The following OPCML variants were observed in gnomAD, a reference collection of about 807,000 sequenced individuals.
The protein encoded by OPCML is opioid binding protein/cell adhesion molecule like, also known as opioid-binding protein/cell adhesion molecule.
In OPCML, 13 loss-of-function variants were observed where a neutral mutation model predicts 37.8. The ratio of observed to expected loss-of-function variants is 0.34; its 90% CI spans 0.22 to 0.55. OPCML has a LOEUF of 0.55. Among genes scored for constraint, OPCML ranks in the 20% least tolerant of loss-of-function variants. OPCML has a pLI of 0.91. For synonymous variants in OPCML, 176 were observed against 168.8 expected (o/e 1.04, Z -0.33); for missense variants, 341 against 435.6 (o/e 0.78, Z 1.93).
At chr11:133,027,486 TG>T (rs1465417801) in intron 1 of OPCML, among the ~76,000 whole-genome samples, 6 of 145,750 alleles carry the variant, frequency 4.1e-5, no homozygotes, top group East Asian at 4.1e-4. Flanking sequence ...TGTGTGTGTG[TG>T]TGTTGTGTGT....
intron 2 of OPCML, among the ~76,000 whole-genome samples, chr11:132,884,022 T>C (rs576064522): frequency 4.6e-5 from 7 of 152,304 alleles, no homozygotes; most frequent in African/African-American, 1.7e-4. Flanking sequence ...TCAGACATAA[T>C]AGGATCATAG....
chr11:132,878,320 T>C (rs911875982), intron 2 of OPCML, among the ~76,000 whole-genome samples: 5 of 152,342 alleles, frequency 3.3e-5, no homozygotes, highest in Non-Finnish European at 7.4e-5. Context: ...CATTGTTGCA[T>C]GAGATTAACT....
At chr11:133,156,687 G>A (rs1023277022) in intron 1 of OPCML, among the ~76,000 whole-genome samples, 1 of 152,182 alleles carries the variant, frequency 6.6e-6, no homozygotes, top group Non-Finnish European at 1.5e-5. Flanking sequence ...GAATTATGAA[G>A]AAAATCCAAT....
chr11:133,473,918 T>A (rs1313842320), intron 1 of OPCML, among the ~76,000 whole-genome samples: 3 of 152,200 alleles, frequency 2.0e-5, no homozygotes, highest in African/African-American at 7.2e-5. Context: ...TTTTACAGAG[T>A]AACACTTTAA....
intron 2 of OPCML, among the ~76,000 whole-genome samples, chr11:132,939,648 G>A (rs1945508898): frequency 6.6e-6 from 1 of 152,190 alleles, no homozygotes; most frequent in South Asian, 2.1e-4. Flanking sequence ...AGCAAACTTT[G>A]AGGAGATTGA....
At chr11:132,755,553 T>A (rs1233188563) in intron 2 of OPCML, among the ~76,000 whole-genome samples, 1 of 152,236 alleles carries the variant, frequency 6.6e-6, no homozygotes, top group Non-Finnish European at 1.5e-5. Context: ...CCATTCGGGC[T>A]ATGTTTTACC....
chr11:132,773,781 G>C (rs556085706), intron 2 of OPCML, among the ~76,000 whole-genome samples: 79 of 152,168 alleles, frequency 5.2e-4, no homozygotes, highest in African/African-American at 1.6e-3. Context: ...AGCCTCCTCT[G>C]GCTGTATAAT....
intron 1 of OPCML, among the ~76,000 whole-genome samples, chr11:133,426,261 C>A (rs930753639): frequency 6.6e-6 from 1 of 152,108 alleles, no homozygotes; most frequent in Non-Finnish European, 1.5e-5. Context: ...CTGAATATAC[C>A]CATCTTTTTG....
Position 133,206,817 on chromosome 11 carries a change from T to A in OPCML, c.62-263807A>T, listed in dbSNP as rs953232927. ...TGTGAATGGATGCAGCACCCACGCTTACCCTCCACACTCTCACGATGTCCA... is the reference window on the plus strand; with the variant it reads ...TGTGAATGGATGCAGCACCCACGCTAACCCTCCACACTCTCACGATGTCCA... On this transcript the variant is annotated intron_variant, in intron 1 of 7. Coordinates refer to ENST00000524381, the MANE Select transcript of OPCML (RefSeq NM_001012393.5). This position sits in a 1 kb window ranked among gnomAD's most constrained non-coding sequence, Gnocchi z 4.7. 5.3e-5 allele frequency among the ~76,000 whole-genome samples: 8 copies of A among 152,170 alleles called. No individual in the cohort carries two copies. The highest frequency in any genetic ancestry group is 8.8e-5 in the Non-Finnish European group (6 of 68,040).
chr11:133,509,791 C>T (rs1948113852), intron 1 of OPCML, among the ~76,000 whole-genome samples: 1 of 152,182 alleles, frequency 6.6e-6, no homozygotes, highest in African/African-American at 2.4e-5. Context: ...CACTCATTTA[C>T]TCTATGAGTA....
chr11:133,272,119 C>A (rs1242363424), intron 1 of OPCML, among the ~76,000 whole-genome samples: 1 of 152,074 alleles, frequency 6.6e-6, no homozygotes, highest in African/African-American at 2.4e-5. Context: ...ACAACAGTAT[C>A]CAATGCAGAG....
intron 1 of OPCML, chr11:133,003,648 G>T (rs1947053400): frequency 9.1e-6 from 9 of 985,110 alleles, no homozygotes; most frequent in Non-Finnish European, 1.1e-5. Context: ...ATTGTTTTGT[G>T]GAACATACTA....
intron 1 of OPCML, among the ~76,000 whole-genome samples, chr11:133,377,084 C>T (rs947435839): frequency 8.5e-5 from 13 of 152,154 alleles, no homozygotes; most frequent in Admixed American, 2.0e-4. Flanking sequence ...AAGCATTAGC[C>T]TTGAGGGCTC....
chr11:133,440,782 CTG>C (rs58071870), intron 1 of OPCML, among the ~76,000 whole-genome samples: 35,285 of 129,370 alleles, frequency 0.27, 7,519 homozygotes, highest in African/African-American at 0.6. Context: ...ATATATATAT[CTG>C]TGTGTGTGTG....
intron 4 of OPCML, among the ~76,000 whole-genome samples, chr11:132,439,413 GC>G (rs2096024374): frequency 6.6e-6 from 1 of 152,170 alleles, no homozygotes; most frequent in Admixed American, 6.5e-5. Context: ...GCCGGCATTT[GC>G]TGGATGGTGC....
In OPCML at chr11:133,306,446, T is replaced by C. The variant is rs190936608; in HGVS notation, c.61+225818A>G. ...ATGATTTGACGCGGTCACTCTAAAA[T>C]TGACATTGGTTTCAATTTACAAAGG... On this transcript the variant is annotated intron_variant, in intron 1 of 7. Coordinates refer to ENST00000524381, the MANE Select transcript of OPCML (RefSeq NM_001012393.5). 1.9e-3 allele frequency among the ~76,000 whole-genome samples: 285 copies of C among 152,282 alleles called. 2 individuals are homozygous for C. The highest frequency in any genetic ancestry group is 6.1e-3 in the African/African-American group (254 of 41,558).
chr11:133,238,284 C>T (rs1279537569), intron 1 of OPCML, among the ~76,000 whole-genome samples: 1 of 152,158 alleles, frequency 6.6e-6, no homozygotes, highest in Non-Finnish European at 1.5e-5. Flanking sequence ...GGCTGTTGGG[C>T]ACTTGCAATG....
chr11:132,506,586 A>G lies in OPCML; in HGVS notation c.505+22475T>C, dbSNP rs560374076. 3.7e-4 allele frequency among the ~76,000 whole-genome samples: 56 copies of G among 152,292 alleles called. No homozygotes were observed. The South Asian group carries it at 0.011, about 30-fold the overall frequency. ...ATAGTCTGAGAAACACAGTGCCAAG[A>G]TAGGAAGGAGGATGAAAGGAGGCTG... On this transcript the variant is annotated intron_variant, in intron 4 of 7. Coordinates refer to ENST00000524381, the MANE Select transcript of OPCML (RefSeq NM_001012393.5).
At chr11:132,718,958 T>C (rs1034576854) in intron 2 of OPCML, among the ~76,000 whole-genome samples, 3 of 152,224 alleles carry the variant, frequency 2.0e-5, no homozygotes, top group African/African-American at 7.2e-5. Flanking sequence ...GACAGAAGCA[T>C]AGCTTCATGG....
Sources: allele counts gnomAD v4.1 joint callset (sites outside exome capture counted in the v4.1 genomes callset), GRCh38; gene constraint gnomAD v4.1.1; non-coding constraint Gnocchi (gnomAD v3.1); transcripts MANE v1.5; gene names NCBI Gene and HGNC (gene_info 2026-07-23, HGNC 2026-07-21).